Variants in CERK observed in about 807,000 individuals in gnomAD.
CERK encodes ceramide kinase, also known as acylsphingosine kinase.
In CERK, 39 loss-of-function variants were observed where a neutral mutation model predicts 63.4. The ratio of observed to expected loss-of-function variants is 0.61; its 90% CI spans 0.48 to 0.80. The LOEUF is 0.80. Among genes scored for constraint, CERK ranks in the 30% least tolerant of loss-of-function variants. CERK has a pLI of 0.00. For synonymous variants in CERK, 302 were observed against 280.0 expected, an observed-to-expected ratio of 1.08 and a Z score of -0.78; for missense variants, 670 against 714.1, an observed-to-expected ratio of 0.94 and a Z score of 0.70.
intron 6 of CERK, among the ~76,000 whole-genome samples, chr22:46,703,616 C>T (rs750784518): frequency 1.3e-5 from 2 of 152,174 alleles, no homozygotes; most frequent in African/African-American, 2.4e-5. Context: ...GGCGATGCTG[C>T]GGAGCAGAGA....
At chr22:46,732,030 A>G (rs1036157163) in intron 1 of CERK, among the ~76,000 whole-genome samples, 2 of 152,258 alleles carry the variant, frequency 1.3e-5, no homozygotes, top group Non-Finnish European at 2.9e-5. Context: ...AGCTGGAGGC[A>G]GAAGTCATCT....
rs141349309 is a variant in CERK, at chr22:46,712,532, C to T, written c.380-239G>A. Among the ~76,000 whole-genome samples the T allele has an allele frequency of 7.2e-3, 1,089 of 152,286 alleles. 12 individuals are homozygous for T. The highest frequency in any genetic ancestry group is 0.025 in the African/African-American group (1,039 of 41,544). On this transcript the variant is annotated intron_variant, in intron 3 of 12. Transcript: ENST00000216264. ...ACACATGTCGGACATCATGAAACTCCCACGAACTCAGAATTCCGACTGAGA... is the reference window on the plus strand; with the variant it reads ...ACACATGTCGGACATCATGAAACTCTCACGAACTCAGAATTCCGACTGAGA...
chr22:46,710,719 T>C (rs1295637604), intron 5 of CERK, among the ~76,000 whole-genome samples: 1 of 152,194 alleles, frequency 6.6e-6, no homozygotes, highest in Non-Finnish European at 1.5e-5. Context: ...GGGAAATCTC[T>C]AGGAATTTTG....
At chr22:46,703,750 T>C (rs1043542346) in intron 6 of CERK, among the ~76,000 whole-genome samples, 2 of 152,134 alleles carry the variant, frequency 1.3e-5, no homozygotes, top group African/African-American at 2.4e-5. Flanking sequence ...CAGAGAGCGA[T>C]ATCGGAGCAG....
At chr22:46,687,351 G>A in intron 12 of CERK, 145 bp from the exon 13 acceptor site, 1 of 655,500 alleles carries the variant, frequency 1.5e-6, no homozygotes, top group East Asian at 2.8e-5. Flanking sequence ...GACAGGGGCT[G>A]AAGTGGGGGT....
chr22:46,687,870 G>A (rs2082711147), intron 12 of CERK, among the ~76,000 whole-genome samples: 1 of 152,206 alleles, frequency 6.6e-6, no homozygotes, highest in Non-Finnish European at 1.5e-5. Flanking sequence ...AGCCTCCTCA[G>A]ACGTATTTCA....
At chr22:46,689,383 T>A (rs577033324) in intron 12 of CERK, among the ~76,000 whole-genome samples, 4 of 152,224 alleles carry the variant, frequency 2.6e-5, no homozygotes, top group African/African-American at 9.6e-5. Flanking sequence ...CTTTTGAAAT[T>A]TTTTTGAGAT....
At position 46,691,717 on chromosome 22, in the gene CERK, A is replaced by G. The variant is rs2082732647; in HGVS notation, c.1187T>C (p.Met396Thr). The G allele has an allele frequency of 6.2e-7, 1 of 1,613,670 alleles. No individual in the cohort carries two copies. The highest frequency in any genetic ancestry group is 1.3e-5 in the African/African-American group (1 of 75,040). The change falls in exon 11 of 13, where the codon ATG becomes ACG. Residue 396 changes from methionine to threonine, a missense_variant. Physicochemically the swap from Met to Thr is moderately conservative, Grantham distance 81. Transcript: ENST00000216264. Reference sequence around the variant, plus strand: ...GGGGCTCCGGCGACAAGCACAGGACATGTTTGTGGCATTGATGGCCAGAAA... The same window carrying G: ...GGGGCTCCGGCGACAAGCACAGGACGTGTTTGTGGCATTGATGGCCAGAAA... ...GKFLAINATN[M>T]SCACRRSPRG...
At chr22:46,693,359 G>C in intron 10 of CERK, 68 bp downstream of exon 10, 5 of 1,312,950 alleles carry the variant, frequency 3.8e-6, no homozygotes, top group Non-Finnish European at 4.4e-6. Flanking sequence ...GCAGTGCCCT[G>C]AGAGAGGACA....
Position 46,738,026 on chromosome 22 carries a change from T to TCCGGGCC in CERK, c.116_122dup (p.Gly43ArgfsTer16). On this transcript the variant is annotated frameshift_variant, in exon 1 of 13. Coordinates refer to ENST00000216264, the MANE Select transcript of CERK (RefSeq NM_022766.6). LOFTEE classifies it high-confidence loss of function. ...ACTCACCCGCGCCGGGGGCGCCGGC[T>TCCGGGCC]CCGGGCCCCGGGCTCCGCCACCAGC... 1 of 1,188,312 alleles carries TCCGGGCC rather than the reference T, an allele frequency of 8.4e-7. No individual in the cohort carries two copies. Among genetic ancestry groups the TCCGGGCC allele is most frequent in the Non-Finnish European group, 1.0e-6 (1 of 963,974 alleles). The allele number at this position is 1,188,312 out of a possible 1,614,324, so 73.6% of individuals were successfully genotyped here. A position where few individuals can be genotyped will look rare whatever the true frequency, so the allele number is the denominator to read the frequency against.
At chr22:46,706,091 C>T (rs888216455) in intron 6 of CERK, among the ~76,000 whole-genome samples, 2 of 152,242 alleles carry the variant, frequency 1.3e-5, no homozygotes, top group Admixed American at 6.5e-5. Context: ...GAGCCTGGAG[C>T]GTGTGAGTGT....
At chr22:46,691,514 A>G (rs2082731331) in intron 11 of CERK, 58 bp downstream of exon 11, 2 of 1,391,358 alleles carry the variant, frequency 1.4e-6, no homozygotes. Context: ...TAAACCAGGG[A>G]CTGCTGGAAC....
intron 9 of CERK, 49 bp from the exon 10 acceptor site, chr22:46,693,552 A>T (rs761220889): frequency 1.4e-6 from 2 of 1,444,596 alleles, no homozygotes; most frequent in Non-Finnish European, 9.7e-7. Context: ...CTGCAGGTGC[A>T]GTGCGTATGC....
chr22:46,707,943 G>C lies in CERK; in HGVS notation c.615C>G (p.His205Gln). 1 of 1,613,694 alleles carries C rather than the reference G, an allele frequency of 6.2e-7. No individual in the cohort carries two copies. Among genetic ancestry groups the C allele is most frequent in the East Asian group, 2.2e-5 (1 of 44,870 alleles). The part of the protein sequence containing the change: ...GGDGMFSEVL[H>Q]GLIGRTQRSA... ...TCCTCTGCGTCCTCCCAATCAGACC[G>C]TGCAGCACCTCGCTGAACATACCAT... Residue 205 changes from histidine (H) to glutamine (Q), a missense_variant, in exon 6 of 13, where the codon CAC (histidine) becomes CAG (glutamine). His to Gln is a conservative substitution (Grantham distance 24, BLOSUM62 0). Coordinates refer to ENST00000216264, the MANE Select transcript of CERK (RefSeq NM_022766.6).
At chr22:46,707,181 A>G (rs967795094) in intron 6 of CERK, among the ~76,000 whole-genome samples, 1 of 142,932 alleles carries the variant, frequency 7.0e-6, no homozygotes, top group Admixed American at 7.0e-5. Context: ...CCATGCCGCC[A>G]CCCTCGGGGC....
At chr22:46,691,038 CACACATGTATACATACAT>C (rs1257276070) in intron 11 of CERK, among the ~76,000 whole-genome samples, 8 of 135,362 alleles carry the variant, frequency 5.9e-5, no homozygotes, top group Non-Finnish European at 1.1e-4. Context: ...TACACATACA[CACACATGTATACATACAT>C]ACACACACAC....
At chr22:46,713,332 G>A (rs1002845282) in intron 3 of CERK, among the ~76,000 whole-genome samples, 161 of 150,746 alleles carry the variant, frequency 1.1e-3, no homozygotes, top group African/African-American at 3.6e-3. Context: ...GTGAAATCCC[G>A]TCTCTACTAA....
chr22:46,735,257 C>A (rs2146600436), intron 1 of CERK: 1 of 152,412 alleles, frequency 6.6e-6, no homozygotes, highest in South Asian at 2.1e-4. Context: ...TACTTCCCAC[C>A]AGGCTGGCGG....
At chr22:46,691,136 G>A (rs547934013) in intron 11 of CERK, among the ~76,000 whole-genome samples, 53 of 152,146 alleles carry the variant, frequency 3.5e-4, no homozygotes, top group Admixed American at 1.8e-3. Flanking sequence ...GTGCAGTTGC[G>A]TGATCTCAGC....
Sources: gnomAD v4.1 joint callset for allele counts (sites outside exome capture counted in the v4.1 genomes callset) on GRCh38, gnomAD v4.1.1 for gene constraint, MANE v1.5 for transcripts, NCBI Gene and HGNC (gene_info 2026-07-23, HGNC 2026-07-21) for gene names.